GPC5: variants seen among roughly 807,000 people sequenced by gnomAD.
The protein encoded by GPC5 is glypican-5.
Under a neutral mutation model 53.9 loss-of-function variants are expected in GPC5, and 47 were observed. The ratio of observed to expected loss-of-function variants is 0.87; its 90% CI spans 0.69 to 1.11. The LOEUF (loss-of-function observed/expected upper bound fraction) is 1.11, where lower values mean the gene tolerates loss of function less well. GPC5 is among the 50% of genes most tolerant of loss of function. The pLI, the probability that GPC5 is intolerant of heterozygous loss-of-function variation, is 0.00. For synonymous variants in GPC5, 286 were observed against 263.3 expected, an observed-to-expected ratio of 1.09 and a Z score of -0.84; for missense variants, 748 against 713.1, an observed-to-expected ratio of 1.05 and a Z score of -0.56.
intron 6 of GPC5, among the ~76,000 whole-genome samples, chr13:91,957,949 A>C (rs2040089488): frequency 6.6e-6 from 1 of 152,122 alleles, no homozygotes; most frequent in Admixed American, 6.6e-5. Context: ...GATAAAAAAT[A>C]AGAGAAAGAA....
At chr13:92,403,251 T>C (rs980630305) in intron 7 of GPC5, among the ~76,000 whole-genome samples, 3 of 152,200 alleles carry the variant, frequency 2.0e-5, no homozygotes, top group Non-Finnish European at 4.4e-5. Flanking sequence ...CTTAAAGCAA[T>C]TTAAAACATA....
At chr13:92,862,460 A>G (rs1392921942) in intron 7 of GPC5, among the ~76,000 whole-genome samples, 1 of 152,142 alleles carries the variant, frequency 6.6e-6, no homozygotes, top group Non-Finnish European at 1.5e-5. Context: ...TAGGATCTGG[A>G]GTCCTGCTCC....
chr13:92,692,042 A>T (rs1170578493), intron 7 of GPC5, among the ~76,000 whole-genome samples: 2 of 152,104 alleles, frequency 1.3e-5, no homozygotes, highest in African/African-American at 4.8e-5. Context: ...TCCCCCATCT[A>T]ATAGTCTTCA....
chr13:92,416,368 G>A (rs2139356171), intron 7 of GPC5, among the ~76,000 whole-genome samples: 1 of 152,288 alleles, frequency 6.6e-6, no homozygotes, highest in South Asian at 2.1e-4. Context: ...ATGTTAGAAT[G>A]AGGTCAGAAC....
chr13:92,543,679 C>T (rs1002552879), intron 7 of GPC5, among the ~76,000 whole-genome samples: 42 of 151,782 alleles, frequency 2.8e-4, no homozygotes, highest in Admixed American at 2.0e-4. Flanking sequence ...GGAGAGAGTG[C>T]GCAGCTATAG....
At chr13:92,482,256 A>G (rs1014122030) in intron 7 of GPC5, among the ~76,000 whole-genome samples, 3 of 152,186 alleles carry the variant, frequency 2.0e-5, no homozygotes, top group Non-Finnish European at 4.4e-5. Flanking sequence ...TCTTATGTCC[A>G]CATGTCCACA....
chr13:92,484,596 C>T (rs934884969), intron 7 of GPC5: 8 of 152,136 alleles, frequency 5.3e-5, no homozygotes, highest in Non-Finnish European at 1.0e-4. Flanking sequence ...AATCTTTCAC[C>T]TCCCTTGTTG....
intron 2 of GPC5, among the ~76,000 whole-genome samples, chr13:91,501,999 G>A (rs577498628): frequency 7.2e-5 from 11 of 152,144 alleles, no homozygotes; most frequent in Non-Finnish European, 1.5e-4. Context: ...ATGGCCAGTG[G>A]TGATGAGCAT....
At chr13:92,222,412 G>T (rs1322204820) in intron 7 of GPC5, among the ~76,000 whole-genome samples, 2 of 152,138 alleles carry the variant, frequency 1.3e-5, no homozygotes, top group Non-Finnish European at 2.9e-5. Context: ...AATTAGAGAA[G>T]TTTAATTACA....
chr13:91,855,274 A>T (rs7985844), intron 5 of GPC5, among the ~76,000 whole-genome samples: 7,607 of 151,672 alleles, frequency 0.05, 378 homozygotes, highest in East Asian at 0.22. Context: ...CACAGCTTCA[A>T]ACTTCATTGG....
intron 7 of GPC5, among the ~76,000 whole-genome samples, chr13:92,518,358 T>G (rs1183900230): frequency 6.6e-6 from 1 of 151,762 alleles, no homozygotes; most frequent in Non-Finnish European, 1.5e-5. Context: ...AAGGAAAAAA[T>G]GTTAAAGGCA....
At chr13:91,399,274 T>C in intron 1 of GPC5, 65 bp downstream of exon 1, 1 of 1,545,300 alleles carries the variant, frequency 6.5e-7, no homozygotes, top group Non-Finnish European at 8.7e-7. Context: ...TCCCCCAGGC[T>C]CCCTTGGTGG....
chr13:92,122,171 T>C (rs1419041837), intron 6 of GPC5, among the ~76,000 whole-genome samples: 1 of 152,168 alleles, frequency 6.6e-6, no homozygotes, highest in Non-Finnish European at 1.5e-5. Context: ...AGAAATTGTA[T>C]GTGGAGAGCA....
chr13:91,440,577 G>C (rs1880347456), intron 1 of GPC5, among the ~76,000 whole-genome samples: 1 of 151,960 alleles, frequency 6.6e-6, no homozygotes, highest in Non-Finnish European at 1.5e-5. Context: ...CTAATATCTG[G>C]GGCTGGCCTT....
At chr13:92,095,525 T>C (rs530093987) in intron 6 of GPC5, among the ~76,000 whole-genome samples, 1 of 151,696 alleles carries the variant, frequency 6.6e-6, no homozygotes, top group Non-Finnish European at 1.5e-5. Flanking sequence ...TTTTTGTATT[T>C]TGTTTCTGTT....
At chr13:92,242,434 G>A (rs953673908) in intron 7 of GPC5, among the ~76,000 whole-genome samples, 2 of 151,902 alleles carry the variant, frequency 1.3e-5, no homozygotes, top group East Asian at 1.9e-4. Context: ...ATTTGTTTTC[G>A]TGTTTTGTTC....
chr13:92,084,909 T>G (rs915729812), intron 6 of GPC5, among the ~76,000 whole-genome samples: 1 of 152,170 alleles, frequency 6.6e-6, no homozygotes, highest in Non-Finnish European at 1.5e-5. Flanking sequence ...AGAAATATAT[T>G]CCTCACAGTT....
chr13:91,792,860 A>G (rs1188688186), intron 5 of GPC5, among the ~76,000 whole-genome samples: 3 of 152,290 alleles, frequency 2.0e-5, no homozygotes, highest in South Asian at 2.1e-4. Context: ...TTTATGCAGC[A>G]TGTGGTTGCC....
intron 7 of GPC5, among the ~76,000 whole-genome samples, chr13:92,472,197 T>C (rs569386769): frequency 1.2e-4 from 18 of 152,126 alleles, no homozygotes; most frequent in Non-Finnish European, 4.4e-5. Flanking sequence ...GTATTTATTT[T>C]AGATTTTTCA....
Sources: allele counts gnomAD v4.1 joint callset (sites outside exome capture counted in the v4.1 genomes callset), GRCh38; gene constraint gnomAD v4.1.1; transcripts MANE v1.5; gene names NCBI Gene and HGNC (gene_info 2026-07-23, HGNC 2026-07-21).